The following AVEN variants were observed in gnomAD, a reference collection of about 807,000 sequenced individuals.
AVEN encodes cell death regulator Aven.
AVEN carries 41 observed loss-of-function variants against 38.1 expected under a neutral mutation model. That is an observed-to-expected ratio of 1.08 (90% CI 0.84 to 1.40). The LOEUF is 1.40. Among genes scored for constraint, AVEN ranks in the 40% most tolerant of loss-of-function variants. AVEN has a pLI of 0.00. For missense variants in AVEN, 605 were observed against 438.8 expected (o/e 1.38, Z -3.38); for synonymous variants, 206 against 171.8 (o/e 1.20, Z -1.56).
chr15:33,902,138 T>C (rs1311032181), intron 2 of AVEN, among the ~76,000 whole-genome samples: 1 of 110,860 alleles, frequency 9.0e-6, no homozygotes, highest in Non-Finnish European at 2.0e-5. Context: ...TTCCATTTAT[T>C]TGCATCCTCT....
chr15:33,907,182 C>T (rs1275762697), intron 2 of AVEN, among the ~76,000 whole-genome samples: 1 of 152,192 alleles, frequency 6.6e-6, no homozygotes, highest in African/African-American at 2.4e-5. Flanking sequence ...ATAGACCCTG[C>T]TCGCCCAACT....
intron 2 of AVEN, among the ~76,000 whole-genome samples, chr15:33,886,563 A>G (rs991055548): frequency 2.0e-5 from 3 of 152,122 alleles, no homozygotes. Context: ...TCAGCCTCCC[A>G]AAGGAGAGTT....
At chr15:33,870,536 T>C (rs2153034446) in intron 4 of AVEN, among the ~76,000 whole-genome samples, 2 of 152,324 alleles carry the variant, frequency 1.3e-5, no homozygotes, top group East Asian at 3.9e-4. Context: ...ACAATTTGTA[T>C]ATGTTTGTGT....
chr15:33,920,004 A>G lies in AVEN; in HGVS notation c.446-44009T>C, dbSNP rs1893330169. On this transcript the variant is annotated intron_variant, in intron 2 of 5. Coordinates refer to ENST00000306730, the MANE Select transcript of AVEN (RefSeq NM_020371.3). ...CTTCCTAACCTCTTATTCCTTCCCT[A>G]TCCATCTCCTCCATCAGAACTAACT... is the stretch of plus-strand genomic sequence containing the variant. 2.0e-5 allele frequency among the ~76,000 whole-genome samples: 3 copies of G among 151,902 alleles called. No homozygotes were observed. In the South Asian group the frequency reaches 6.2e-4, roughly 32 times the overall value.
chr15:33,994,068 C>T (rs1258567416), intron 2 of AVEN, among the ~76,000 whole-genome samples: 1 of 152,232 alleles, frequency 6.6e-6, no homozygotes, highest in East Asian at 1.9e-4. Context: ...GGGGGTCCCC[C>T]ACCCCCAGAC....
At chr15:33,975,962 C>T (rs1274259048) in intron 2 of AVEN, among the ~76,000 whole-genome samples, 10 of 152,046 alleles carry the variant, frequency 6.6e-5, no homozygotes, top group Admixed American at 6.6e-4. Flanking sequence ...ATACCAGGTC[C>T]CTTGCATAAT....
At chr15:34,030,099 C>T (rs1347477872) in intron 1 of AVEN, among the ~76,000 whole-genome samples, 1 of 151,854 alleles carries the variant, frequency 6.6e-6, no homozygotes, top group Non-Finnish European at 1.5e-5. Flanking sequence ...ACTAAAAATA[C>T]AAAAATTAGC....
intron 2 of AVEN, among the ~76,000 whole-genome samples, chr15:33,944,802 C>T (rs1418935195): frequency 6.7e-6 from 1 of 150,020 alleles, no homozygotes; most frequent in South Asian, 2.1e-4. Context: ...GAGTGAGACT[C>T]AGTCTCGAAA....
intron 2 of AVEN, among the ~76,000 whole-genome samples, chr15:33,904,694 A>AAAATATATAT (rs1464894437): frequency 3.6e-4 from 41 of 112,732 alleles, no homozygotes; most frequent in African/African-American, 1.0e-3. Context: ...AAAAAAAAAA[A>AAAATATATAT]ATATATATAT....
intron 2 of AVEN, among the ~76,000 whole-genome samples, chr15:33,983,705 G>T (rs1354109949): frequency 6.6e-6 from 1 of 152,132 alleles, no homozygotes; most frequent in Admixed American, 6.5e-5. Flanking sequence ...AGGACTTAGT[G>T]ACTCGCTGCT....
At chr15:33,955,726 C>CGT (rs1894928837) in intron 2 of AVEN, among the ~76,000 whole-genome samples, 1 of 152,146 alleles carries the variant, frequency 6.6e-6, no homozygotes, top group Non-Finnish European at 1.5e-5. Flanking sequence ...AAATTAAACA[C>CGT]TAATAGTTAA....
intron 1 of AVEN, among the ~76,000 whole-genome samples, chr15:34,020,756 C>T (rs1178380765): frequency 6.6e-6 from 1 of 152,114 alleles, no homozygotes; most frequent in East Asian, 1.9e-4. Flanking sequence ...TGAAATTAGG[C>T]CAAATTTCGT....
Position 33,939,733 on chromosome 15 carries a change from C to T in AVEN, c.445+63299G>A, listed in dbSNP as rs529018591. 3.0e-4 allele frequency among the ~76,000 whole-genome samples: 45 copies of T among 152,290 alleles called. No homozygotes were observed. In the South Asian group the frequency reaches 9.1e-3, roughly 31 times the overall value. On this transcript the variant is annotated intron_variant, in intron 2 of 5. Coordinates refer to ENST00000306730, the MANE Select transcript of AVEN (RefSeq NM_020371.3). ...TAAGCCTTCTGTTATAGACTGAATG[C>T]TTGTGTTCCCCCAAAACTCATTTGT...
intron 1 of AVEN, among the ~76,000 whole-genome samples, chr15:34,028,971 G>C (rs890558789): frequency 6.6e-6 from 1 of 152,096 alleles, no homozygotes; most frequent in Non-Finnish European, 1.5e-5. Context: ...TTATATCTTA[G>C]TTATTCATTT....
At chr15:34,006,658 G>C (rs1897357891) in intron 1 of AVEN, among the ~76,000 whole-genome samples, 1 of 152,170 alleles carries the variant, frequency 6.6e-6, no homozygotes, top group African/African-American at 2.4e-5. Context: ...ATAATAGGCT[G>C]ATCCTTATGC....
chr15:33,963,068 G>C (rs989703329), intron 2 of AVEN, among the ~76,000 whole-genome samples: 1 of 152,038 alleles, frequency 6.6e-6, no homozygotes, highest in African/African-American at 2.4e-5. Context: ...ATGCCTATAT[G>C]AGAAGGAAAA....
intron 2 of AVEN, among the ~76,000 whole-genome samples, chr15:33,884,599 A>C (rs1038477578): frequency 4.6e-5 from 7 of 152,180 alleles, no homozygotes; most frequent in Non-Finnish European, 1.5e-5. Flanking sequence ...CTCAGTACTA[A>C]TATGCTTTCA....
intron 1 of AVEN, among the ~76,000 whole-genome samples, chr15:34,020,094 A>G (rs2632109): frequency 0.99 from 151,014 of 152,182 alleles, 74,940 homozygotes; most frequent in Middle Eastern, 1. Context: ...GGTGGATCAC[A>G]AGGTCAGGAG....
At chr15:34,055,259 A>G (rs569294212) in intron 5 of AVEN, among the ~76,000 whole-genome samples, 1 of 151,774 alleles carries the variant, frequency 6.6e-6, no homozygotes, top group East Asian at 1.9e-4. Flanking sequence ...AGCATTTGGG[A>G]GGCCGAGGTG....
Sources: gnomAD v4.1 joint callset for allele counts (sites outside exome capture counted in the v4.1 genomes callset) on GRCh38, gnomAD v4.1.1 for gene constraint, MANE v1.5 for transcripts, NCBI Gene and HGNC (gene_info 2026-07-23, HGNC 2026-07-21) for gene names.